LRRC37B: variants seen among roughly 807,000 people sequenced by gnomAD.
LRRC37B encodes the protein leucine rich repeat containing 37B, also known as leucine-rich repeat-containing protein 37B.
LRRC37B carries 28 observed loss-of-function variants against 98.3 expected under a neutral mutation model. That is an observed-to-expected ratio of 0.28 (90% CI 0.21 to 0.39). LRRC37B has a LOEUF of 0.39. LRRC37B is among the 10% of genes least tolerant of loss of function. LRRC37B has a pLI of 1.00. For missense variants in LRRC37B, 938 were observed against 1,182.7 expected (o/e 0.79, Z 3.03); for synonymous variants, 364 against 442.7 (o/e 0.82, Z 2.23).
At chr17:32,039,307 C>T (rs1294210627) in intron 7 of LRRC37B, among the ~76,000 whole-genome samples, 1 of 149,510 alleles carries the variant, frequency 6.7e-6, no homozygotes, top group African/African-American at 2.5e-5. Context: ...AGATATATAT[C>T]CGTCTATATC....
At chr17:32,048,951 A>C (rs1911666068) in intron 9 of LRRC37B, 151 bp from the exon 13 acceptor site, 2 of 1,344,992 alleles carry the variant, frequency 1.5e-6, no homozygotes, top group Non-Finnish European at 2.1e-6. Context: ...CACAAACTAC[A>C]ATCATCCTCC....
At chr17:32,034,868 C>T (rs1267655564) in intron 5 of LRRC37B, 42 bp from the exon 9 acceptor site, 5 of 1,432,640 alleles carry the variant, frequency 3.5e-6, no homozygotes, top group South Asian at 2.3e-5. Flanking sequence ...CAGTTTCACA[C>T]ATTGAAAATG....
At chr17:32,045,041 G>A (rs1030443078) in intron 7 of LRRC37B, among the ~76,000 whole-genome samples, 1 of 151,938 alleles carries the variant, frequency 6.6e-6, no homozygotes, top group Non-Finnish European at 1.5e-5. Flanking sequence ...TATTACATTG[G>A]TGGTTGCAAA....
In LRRC37B at chr17:32,035,048, A is replaced by G. The variant is rs2142251504; in HGVS notation, c.2129+67A>G. ...GCTTTTTAAATTTGTCATCAAAGAT[A>G]AAGTATTTTGCATTTAGGCTAAAAA... On this transcript the variant is annotated intron_variant, in intron 6 of 11. Transcript: ENST00000327564. The G allele has an allele frequency of 4.1e-6, 5 of 1,205,114 alleles. No individual in the cohort carries two copies. The South Asian group carries it at 5.5e-5, about 13-fold the overall frequency. 74.7% of individuals were successfully genotyped at this position (1,205,114 alleles called of 1,614,324 possible). A position where few individuals can be genotyped will look rare whatever the true frequency, so the allele number is the denominator to read the frequency against.
At position 32,031,177 on chromosome 17, in the gene LRRC37B, C is replaced by T. The variant is rs530529165; in HGVS notation, c.1977-201C>T. 4.6e-5 allele frequency among the ~76,000 whole-genome samples: 7 copies of T among 152,248 alleles called. No individual in the cohort carries two copies. In the East Asian group the frequency reaches 1.2e-3, roughly 25 times the overall value. ...TCACTTAACACAGGTATTTACTGAG[C>T]GTTCACTGTTTTGTAGCTAATGCAC... On this transcript the variant is annotated intron_variant, in intron 4 of 11. Coordinates refer to ENST00000327564, the Ensembl canonical transcript of LRRC37B.
upstream of LRRC37B, chr17:32,020,809 G>A (rs1253907491): frequency 4.4e-6 from 3 of 685,586 alleles, no homozygotes; most frequent in Non-Finnish European, 6.6e-6. Context: ...GCCAGGTCCC[G>A]TGACTTCCTT....
chr17:32,011,871 T>C (rs989359737), intron 1 of LRRC37B, among the ~76,000 whole-genome samples: 11 of 152,262 alleles, frequency 7.2e-5, no homozygotes, highest in Non-Finnish European at 1.2e-4. Flanking sequence ...TGGTTCACAA[T>C]ATAGTAAAAT....
intron 7 of LRRC37B, chr17:32,036,254 G>A: frequency 6.6e-6 from 1 of 152,302 alleles, no homozygotes; most frequent in Non-Finnish European, 1.5e-5. Context: ...GCCCACTTCG[G>A]CCTCCCAAAG....
chr17:32,028,012 C>T (rs1911016336), intron 3 of LRRC37B, among the ~76,000 whole-genome samples, 172 bp downstream of exon 6: 1 of 131,956 alleles, frequency 7.6e-6, no homozygotes, highest in African/African-American at 2.9e-5. Flanking sequence ...TATGCATTTT[C>T]AGTTTTTAAA....
At chr17:32,053,082 A>C (rs1911804155) in intron 11 of LRRC37B, 184 bp from the exon 15 acceptor site, 1 of 607,492 alleles carries the variant, frequency 1.6e-6, no homozygotes, top group Admixed American at 3.5e-5. Flanking sequence ...AGTCCTCTGC[A>C]AGGTAGCAAG....
chr17:32,033,847 A>G (rs940282213), intron 5 of LRRC37B: 6 of 152,202 alleles, frequency 3.9e-5, no homozygotes, highest in African/African-American at 1.4e-4. Flanking sequence ...GAATTTATTC[A>G]TTTTATTGAC....
At chr17:32,035,469 C>G (rs1911221206) in intron 6 of LRRC37B, 96 bp from the exon 10 acceptor site, 1 of 1,340,568 alleles carries the variant, frequency 7.5e-7, no homozygotes, top group Non-Finnish European at 1.0e-6. Flanking sequence ...TATAGAGAAG[C>G]CAAAATAGAA....
upstream of LRRC37B, chr17:32,020,923 G>A: frequency 7.0e-7 from 1 of 1,425,250 alleles, no homozygotes. Context: ...TCACTAAGGG[G>A]AGGGGAGGGG....
At chr17:32,047,969 C>A in intron 9 of LRRC37B, 68 bp downstream of exon 12, 1 of 1,613,046 alleles carries the variant, frequency 6.2e-7, no homozygotes, top group East Asian at 2.2e-5. Flanking sequence ...TGCCTTATCT[C>A]TCACTGGGAA....
intron 7 of LRRC37B, among the ~76,000 whole-genome samples, chr17:32,037,844 A>G (rs1259078994): frequency 3.3e-5 from 5 of 151,986 alleles, no homozygotes; most frequent in South Asian, 4.2e-4. Context: ...ATGGTGGCTC[A>G]TGCCTGTAAT....
Position 32,032,974 on chromosome 17 carries a change from A to C in LRRC37B, c.2057+1516A>C, listed in dbSNP as rs531577175. Among the ~76,000 whole-genome samples, 20 of 152,146 alleles carry C rather than the reference A, an allele frequency of 1.3e-4. 1 individual carries two copies. The South Asian group carries it at 2.3e-3, about 17-fold the overall frequency. On this transcript the variant is annotated intron_variant, in intron 5 of 11. Coordinates refer to ENST00000327564, the Ensembl canonical transcript of LRRC37B. ...AAGTCAGGAGTTCGAGACAAGCCTG[A>C]CCAACATGGTGAAACCCCGTCTGTA...
chr17:32,034,510 A>G (rs1304897233), intron 5 of LRRC37B, among the ~76,000 whole-genome samples: 1 of 151,594 alleles, frequency 6.6e-6, no homozygotes, highest in East Asian at 1.9e-4. Flanking sequence ...TCTCCAAAAA[A>G]AAAAAAAAAA....
At chr17:32,016,900 T>TC (rs1910657212), upstream of LRRC37B, 1 of 152,204 alleles carries the variant, frequency 6.6e-6, no homozygotes. Flanking sequence ...CAAGGTTGTT[T>TC]CTTGTTTTTT....
At chr17:32,052,393 T>C (rs1409348843) in intron 11 of LRRC37B, 2 of 152,200 alleles carry the variant, frequency 1.3e-5, no homozygotes, top group East Asian at 3.8e-4. Context: ...CAGGCTGGTT[T>C]TCCTGCCACT....
Sources: allele counts gnomAD v4.1 joint callset (sites outside exome capture counted in the v4.1 genomes callset), GRCh38; gene constraint gnomAD v4.1.1; transcripts MANE v1.5; gene names NCBI Gene and HGNC (gene_info 2026-07-23, HGNC 2026-07-21).